The following CDH12 variants were observed in gnomAD, a reference collection of about 807,000 sequenced individuals.
CDH12 encodes cadherin 12.
A neutral mutation model predicts 74.1 loss-of-function variants in CDH12; 41 were observed. The ratio of observed to expected loss-of-function variants is 0.55; its 90% CI spans 0.43 to 0.72. The LOEUF (loss-of-function observed/expected upper bound fraction) is 0.72, where lower values mean the gene tolerates loss of function less well. Ranked by LOEUF, CDH12 falls within the 30% of genes least tolerant of loss-of-function variation. The pLI is 0.00. For synonymous variants in CDH12, 399 were observed against 355.0 expected, an observed-to-expected ratio of 1.12 and a Z score of -1.39; for missense variants, 945 against 977.2, an observed-to-expected ratio of 0.97 and a Z score of 0.44.
At chr5:22,850,561 A>T (rs1737503362) in intron 1 of CDH12, among the ~76,000 whole-genome samples, 1 of 152,140 alleles carries the variant, frequency 6.6e-6, no homozygotes, top group Non-Finnish European at 1.5e-5. Flanking sequence ...ATTTAACACA[A>T]ATAGGAATAT....
chr5:21,907,390 T>C (rs1753686758), intron 6 of CDH12, among the ~76,000 whole-genome samples: 1 of 152,082 alleles, frequency 6.6e-6, no homozygotes, highest in African/African-American at 2.4e-5. Flanking sequence ...AGGATTTAAG[T>C]GGGGACTATC....
intron 1 of CDH12, among the ~76,000 whole-genome samples, chr5:22,730,501 C>T (rs139350903): frequency 2.0e-5 from 3 of 151,906 alleles, no homozygotes; most frequent in Admixed American, 6.6e-5. Flanking sequence ...GCAGCTTTTA[C>T]CTTAAACATT....
chr5:22,203,892 C>T (rs553111264), intron 4 of CDH12, among the ~76,000 whole-genome samples: 4 of 152,212 alleles, frequency 2.6e-5, no homozygotes, highest in African/African-American at 7.2e-5. Flanking sequence ...TGTATGTCCC[C>T]CTTTTGAGAA....
At chr5:22,012,058 A>G (rs951016858) in intron 5 of CDH12, among the ~76,000 whole-genome samples, 1 of 152,110 alleles carries the variant, frequency 6.6e-6, no homozygotes, top group Non-Finnish European at 1.5e-5. Flanking sequence ...TCCAAAATTT[A>G]CATACTCTTA....
chr5:22,284,024 T>C (rs1737029983), intron 3 of CDH12, among the ~76,000 whole-genome samples: 1 of 152,130 alleles, frequency 6.6e-6, no homozygotes. Flanking sequence ...ATAAACTTAG[T>C]TACTGACTAC....
At chr5:22,574,265 A>G (rs1213968587) in intron 1 of CDH12, among the ~76,000 whole-genome samples, 1 of 151,652 alleles carries the variant, frequency 6.6e-6, no homozygotes, top group Non-Finnish European at 1.5e-5. Context: ...TTTCTAGTAG[A>G]GACGGGGTTT....
chr5:22,089,380 G>GT (rs1275769272), intron 4 of CDH12, among the ~76,000 whole-genome samples: 1 of 152,130 alleles, frequency 6.6e-6, no homozygotes, highest in Non-Finnish European at 1.5e-5. Context: ...AGAGAAACTA[G>GT]TTATTGAAGG....
In CDH12 at chr5:21,902,862, T is replaced by A. The variant is rs180986725; in HGVS notation, c.527-48072A>T. 2.6e-5 allele frequency among the ~76,000 whole-genome samples: 4 copies of A among 152,268 alleles called. 1 individual carries two copies. In the East Asian group the frequency reaches 7.7e-4, roughly 29 times the overall value. ...CAACAGCTAAACATTGGGGAACACT[T>A]GTATGCTGATTTAAAGATGTTGCAT... On this transcript the variant is annotated intron_variant, in intron 6 of 14. Transcript: ENST00000382254.
At chr5:22,338,201 A>C (rs1739674791) in intron 3 of CDH12, among the ~76,000 whole-genome samples, 1 of 152,244 alleles carries the variant, frequency 6.6e-6, no homozygotes, top group Non-Finnish European at 1.5e-5. Context: ...GATTAAAAAA[A>C]TGTGGTACTT....
intron 1 of CDH12, among the ~76,000 whole-genome samples, chr5:22,693,849 C>T (rs78431155): frequency 0.024 from 3,616 of 151,992 alleles, 144 homozygotes; most frequent in African/African-American, 0.083. Flanking sequence ...AATTTGATGG[C>T]TGCAGAATTG....
chr5:22,047,535 C>CA (rs35509592), intron 5 of CDH12, among the ~76,000 whole-genome samples: 11 of 152,004 alleles, frequency 7.2e-5, no homozygotes, highest in Middle Eastern at 3.4e-3. Context: ...CACCCCCCCC[C>CA]ACATCCATTG....
intron 2 of CDH12, among the ~76,000 whole-genome samples, chr5:22,453,156 A>T (rs1400277118): frequency 6.6e-6 from 1 of 152,092 alleles, no homozygotes; most frequent in African/African-American, 2.4e-5. Context: ...TAGTACAGCC[A>T]CTATCAAAAC....
chr5:21,762,874 C>CTTTTTTTTTTTTTTTTTTT, intron 12 of CDH12, among the ~76,000 whole-genome samples: 1 of 128,520 alleles, frequency 7.8e-6, no homozygotes, highest in Non-Finnish European at 1.7e-5. Context: ...AAAGAACTGG[C>CTTTTTTTTTTTTTTTTTTT]TTTTTTTTTT....
At chr5:22,193,738 G>T (rs1446076082) in intron 4 of CDH12, among the ~76,000 whole-genome samples, 3 of 151,424 alleles carry the variant, frequency 2.0e-5, no homozygotes, top group African/African-American at 4.9e-5. Flanking sequence ...TTGTTTTATA[G>T]AAGAAAAACC....
At chr5:21,947,274 T>C (rs1038897487) in intron 6 of CDH12, among the ~76,000 whole-genome samples, 3 of 152,092 alleles carry the variant, frequency 2.0e-5, no homozygotes, top group African/African-American at 7.2e-5. Flanking sequence ...AATGAGGAAG[T>C]GACTTTAGAA....
chr5:22,091,275 GTT>G (rs1743414342), intron 4 of CDH12, among the ~76,000 whole-genome samples: 2 of 148,136 alleles, frequency 1.4e-5, no homozygotes, highest in Non-Finnish European at 3.0e-5. Context: ...TTGTGTGTGT[GTT>G]TGTGTGTGTG....
At chr5:22,244,705 AAG>A (rs1318473520) in intron 3 of CDH12, among the ~76,000 whole-genome samples, 3 of 147,610 alleles carry the variant, frequency 2.0e-5, no homozygotes, top group East Asian at 2.0e-4. Context: ...AAGAAAAAGA[AAG>A]AGAAAGAGAG....
At chr5:21,858,141 G>A (rs1750850801) in intron 6 of CDH12, among the ~76,000 whole-genome samples, 2 of 151,854 alleles carry the variant, frequency 1.3e-5, no homozygotes, top group South Asian at 4.2e-4. Flanking sequence ...TTCATGGTTA[G>A]AGCTTCCACA....
intron 3 of CDH12, among the ~76,000 whole-genome samples, chr5:22,374,968 T>A: frequency 6.6e-6 from 1 of 151,964 alleles, no homozygotes; most frequent in South Asian, 2.1e-4. Flanking sequence ...AAAATTTGTA[T>A]AAAACTACAA....
Sources: allele counts gnomAD v4.1 joint callset (sites outside exome capture counted in the v4.1 genomes callset), GRCh38; gene constraint gnomAD v4.1.1; transcripts MANE v1.5; gene names NCBI Gene and HGNC (gene_info 2026-07-23, HGNC 2026-07-21).